Variants in TEX26 observed in about 807,000 individuals in gnomAD.
TEX26 encodes testis-expressed protein 26.
TEX26 carries 34 observed loss-of-function variants against 35.3 expected under a neutral mutation model. The observed-to-expected ratio is 0.96, with a 90% CI of 0.73 to 1.28. The LOEUF is 1.28. Among genes scored for constraint, TEX26 ranks in the 50% most tolerant of loss-of-function variants. TEX26 has a pLI of 0.00. For synonymous variants in TEX26, 136 were observed against 111.8 expected, an observed-to-expected ratio of 1.22 and a Z score of -1.36; for missense variants, 371 against 330.1, an observed-to-expected ratio of 1.12 and a Z score of -0.96.
intron 4 of TEX26, among the ~76,000 whole-genome samples, chr13:30,957,679 G>C (rs535233978): frequency 3.9e-5 from 6 of 152,302 alleles, no homozygotes; most frequent in South Asian, 2.1e-4. Flanking sequence ...GTGGCAGTGC[G>C]GATGGAGGCA....
chr13:30,966,902 A>G (rs933622700), intron 5 of TEX26, among the ~76,000 whole-genome samples: 1 of 152,158 alleles, frequency 6.6e-6, no homozygotes, highest in Non-Finnish European at 1.5e-5. Flanking sequence ...CCAACCTGTA[A>G]CCCAGGGAGC....
At chr13:30,967,216 G>A (rs1954568513) in intron 5 of TEX26, among the ~76,000 whole-genome samples, 1 of 152,150 alleles carries the variant, frequency 6.6e-6, no homozygotes, top group Non-Finnish European at 1.5e-5. Flanking sequence ...TTCATTCCTG[G>A]CATGGGGTTG....
intron 2 of TEX26, among the ~76,000 whole-genome samples, chr13:30,940,391 T>C (rs1953442719): frequency 7.5e-6 from 1 of 133,302 alleles, no homozygotes; most frequent in South Asian, 2.6e-4. Flanking sequence ...TGGAGTGCAG[T>C]GGTACGATCT....
intron 4 of TEX26, among the ~76,000 whole-genome samples, chr13:30,961,938 A>G (rs1388884735): frequency 6.6e-6 from 1 of 152,148 alleles, no homozygotes; most frequent in Non-Finnish European, 1.5e-5. Context: ...AAGAACAACT[A>G]TCCTGAGAAC....
chr13:30,967,751 T>C (rs1954588657), intron 5 of TEX26, among the ~76,000 whole-genome samples: 1 of 152,210 alleles, frequency 6.6e-6, no homozygotes, highest in African/African-American at 2.4e-5. Context: ...GATTCTATTA[T>C]TTTTTTCATG....
In TEX26 at chr13:30,939,770, CTTAA is replaced by C. The variant is rs777952053; in HGVS notation, c.141_144del (p.Leu47PhefsTer9). On this transcript the variant is annotated frameshift_variant, in exon 2 of 7. Transcript: ENST00000380473. LOFTEE classifies it high-confidence loss of function. ...CGCCTAAAACAGGAGCAGTGCCTGCCTTAATTCGGTAGATCATTATTTGTGTTGG... is the reference window on the plus strand; with the variant it reads ...CGCCTAAAACAGGAGCAGTGCCTGCCTTCGGTAGATCATTATTTGTGTTGG... The C allele has an allele frequency of 1.9e-6, 3 of 1,613,568 alleles. No individual in the cohort carries two copies. Among genetic ancestry groups the C allele is most frequent in the Admixed American group, 3.3e-5 (2 of 60,028 alleles).
At chr13:30,936,840 G>A (rs796231756) in intron 1 of TEX26, 2 of 985,420 alleles carry the variant, frequency 2.0e-6, no homozygotes, top group African/African-American at 3.5e-5. Context: ...GAAGAAAGTA[G>A]TGACTTGCAG....
intron 2 of TEX26, among the ~76,000 whole-genome samples, chr13:30,948,439 G>A (rs1049366754): frequency 2.0e-5 from 3 of 152,150 alleles, no homozygotes; most frequent in Admixed American, 6.5e-5. Context: ...ATTCTAACTG[G>A]TGTGAGATGG....
At chr13:30,947,866 T>C (rs925133689) in intron 2 of TEX26, among the ~76,000 whole-genome samples, 8 of 152,094 alleles carry the variant, frequency 5.3e-5, no homozygotes, top group African/African-American at 1.7e-4. Context: ...ATTAGGTATA[T>C]CTCGTAATGC....
chr13:30,936,030 T>C (rs1164416317), intron 1 of TEX26, among the ~76,000 whole-genome samples: 1 of 152,210 alleles, frequency 6.6e-6, no homozygotes, highest in Non-Finnish European at 1.5e-5. Context: ...TTTAATTGCG[T>C]GTGCAAAGAC....
At chr13:30,946,514 C>T (rs193056386) in intron 2 of TEX26, among the ~76,000 whole-genome samples, 81 of 151,990 alleles carry the variant, frequency 5.3e-4, no homozygotes, top group African/African-American at 1.9e-3. Context: ...GTTATAGAAC[C>T]TTGTTTTGTC....
intron 5 of TEX26, 26 bp downstream of exon 5, chr13:30,966,424 CTTTT>C (rs746148452): frequency 2.9e-6 from 3 of 1,044,128 alleles, no homozygotes; most frequent in Non-Finnish European, 3.9e-6. Context: ...GTTTCTTTTT[CTTTT>C]TCTCTTTTTT....
chr13:30,964,905 C>G (rs182576079), intron 4 of TEX26, among the ~76,000 whole-genome samples: 36 of 152,270 alleles, frequency 2.4e-4, no homozygotes, highest in Non-Finnish European at 4.7e-4. Context: ...TGCCCATGAC[C>G]CAAACACCTC....
At chr13:30,948,834 G>A (rs1953814217) in intron 2 of TEX26, among the ~76,000 whole-genome samples, 1 of 152,154 alleles carries the variant, frequency 6.6e-6, no homozygotes, top group Admixed American at 6.5e-5. Flanking sequence ...GTCCTGAATG[G>A]TATTGCCTAG....
intron 3 of TEX26, among the ~76,000 whole-genome samples, chr13:30,954,289 C>CT (rs1954043197): frequency 7.3e-6 from 1 of 136,784 alleles, no homozygotes; most frequent in African/African-American, 3.1e-5. Flanking sequence ...CACACACACA[C>CT]ACACACACAC....
At chr13:30,932,867 A>C in intron 1 of TEX26, 91 bp downstream of exon 1, 1 of 1,427,392 alleles carries the variant, frequency 7.0e-7, no homozygotes, top group Non-Finnish European at 9.6e-7. Context: ...CTTAGTATTT[A>C]AGGGTGTGGC....
At chr13:30,971,975 A>G (rs1566170689) in intron 6 of TEX26, among the ~76,000 whole-genome samples, 1 of 152,250 alleles carries the variant, frequency 6.6e-6, no homozygotes, top group Non-Finnish European at 1.5e-5. Flanking sequence ...ATTAAGAATC[A>G]ATGTATTTAC....
rs779184166 is a variant in TEX26 at position 30,952,690 on chromosome 13, A to G, written c.177A>G (p.Thr59=). 65 of 1,607,884 alleles carry G rather than the reference A, an allele frequency of 4.0e-5. No homozygotes were observed. The Admixed American group carries it at 5.1e-4, about 13-fold the overall frequency. Reference sequence around the variant, plus strand: ...ACGGTATCAGAAGATTAGGATATACATATTCACTTAGTGATCCTATTCTCA... The same window carrying G: ...ACGGTATCAGAAGATTAGGATATACGTATTCACTTAGTGATCCTATTCTCA... The part of the protein sequence containing the change: ...RQNGIRRLGY[T]YSLSDPILNQ... The change falls in exon 3 of 7, where the codon ACA becomes ACG. Residue 59 remains threonine (T), a synonymous_variant. Transcript: ENST00000380473.
intron 2 of TEX26, among the ~76,000 whole-genome samples, chr13:30,949,974 A>T (rs1002627229): frequency 2.0e-5 from 3 of 152,230 alleles, no homozygotes; most frequent in Non-Finnish European, 4.4e-5. Context: ...AATTGGCTGC[A>T]TTGGAGTAAA....
Sources: gnomAD v4.1 joint callset for allele counts (sites outside exome capture counted in the v4.1 genomes callset) on GRCh38, gnomAD v4.1.1 for gene constraint, MANE v1.5 for transcripts, NCBI Gene and HGNC (gene_info 2026-07-23, HGNC 2026-07-21) for gene names.